The following TNXB variants were observed in gnomAD, a reference collection of about 807,000 sequenced individuals.
The protein encoded by TNXB is tenascin-X.
A neutral mutation model predicts 340.5 loss-of-function variants in TNXB; 183 were observed. That is an observed-to-expected ratio of 0.54 (90% CI 0.48 to 0.61). The LOEUF is 0.61. TNXB is among the 20% of genes least tolerant of loss of function. The pLI, the probability that TNXB is intolerant of heterozygous loss-of-function variation, is 0.00. For synonymous variants in TNXB, 2,121 were observed against 2,314.5 expected (o/e 0.92, Z 2.40); for missense variants, 4,613 against 5,446.4 (o/e 0.85, Z 4.82).
Position 32,095,904 on chromosome 6 carries a change from CG to C in TNXB, c.1948del (p.Arg650AlafsTer57), listed in dbSNP as rs751465994. On this transcript the variant is annotated frameshift_variant, in exon 3 of 44. Transcript: ENST00000644971. LOFTEE classifies it high-confidence loss of function. ...PGYTGPTCATRMCPADCRGRG... is the reference protein window; with the variant it reads ...PGYTGPTCATXMCPADCRGRG... ...TCCCCGGCAGTCAGCCGGGCACATG[CG>C]GGTGGCACAGGTAGGGCCGGTGTAG... 6.2e-7 allele frequency: 1 copy of C among 1,612,522 alleles called. No homozygotes were observed. The highest frequency in any genetic ancestry group is 8.5e-7 in the Non-Finnish European group (1 of 1,179,458).
chr6:32,057,089 C>G (rs1391226895), intron 22 of TNXB, among the ~76,000 whole-genome samples, 186 bp from the exon 23 acceptor site: 1 of 152,008 alleles, frequency 6.6e-6, no homozygotes, highest in African/African-American at 2.4e-5. Flanking sequence ...ACCCTCCTGC[C>G]CTCAGCCCCC....
At position 32,108,462 on chromosome 6, in the gene TNXB, G is replaced by A. The variant is rs1365346542; in HGVS notation, c.-9+719C>T. Among the ~76,000 whole-genome samples the A allele has an allele frequency of 6.6e-6, 1 of 151,964 alleles. No homozygotes were observed. Among genetic ancestry groups the A allele is most frequent in the Non-Finnish European group, 1.5e-5 (1 of 68,006 alleles). ...AGACGGAGCCCCTGTGCCCCCAGAGGCATCTCTCAGCCATCCCAGCCCTGC... is the reference window on the plus strand; with the variant it reads ...AGACGGAGCCCCTGTGCCCCCAGAGACATCTCTCAGCCATCCCAGCCCTGC... On this transcript the variant is annotated intron_variant, in intron 1 of 43. Coordinates refer to ENST00000644971, the MANE Select transcript of TNXB (RefSeq NM_001365276.2). This position sits in a 1 kb window ranked among gnomAD's most constrained non-coding sequence, Gnocchi z 4.8.
chr6:32,097,151 C>A lies in TNXB; in HGVS notation c.702G>T (p.Val234=). ...GRGRCVQGVC[V]CRAGFSGPDC... ...CGGGGCCTGAGAAGCCTGCCCGGCA[C>A]ACACACACGCCCTGCACGCAGCGCC... The change falls in exon 3 of 44, where the codon GTG becomes GTT. Residue 234 remains valine (V), a synonymous_variant. Coordinates refer to ENST00000644971, the MANE Select transcript of TNXB (RefSeq NM_001365276.2). The surrounding 1 kb of genome is among the most constrained non-coding windows in gnomAD (Gnocchi z 5.9). 1 of 1,600,374 alleles carries A rather than the reference C, an allele frequency of 6.2e-7. No individual in the cohort carries two copies. The highest frequency in any genetic ancestry group is 8.5e-7 in the Non-Finnish European group (1 of 1,174,204).
rs1011975396 is a variant in TNXB at position 32,074,058 on chromosome 6, G to A, written c.4376-106C>T. On this transcript the variant is annotated intron_variant, in intron 11 of 43. Coordinates refer to ENST00000644971, the MANE Select transcript of TNXB (RefSeq NM_001365276.2). This position sits in a 1 kb window ranked among gnomAD's most constrained non-coding sequence, Gnocchi z 5.5. Reference sequence around the variant, plus strand: ...TTTTTTATTTTTGAGATGGAGTCTCGCTGTCACCCAGAGCAGTGGGCGACC... The same window carrying A: ...TTTTTTATTTTTGAGATGGAGTCTCACTGTCACCCAGAGCAGTGGGCGACC... 25 of 1,114,134 alleles carry A rather than the reference G, an allele frequency of 2.2e-5. No homozygotes were observed. Among genetic ancestry groups the A allele is most frequent in the African/African-American group, 6.3e-5 (4 of 63,528 alleles). 69.0% of individuals were successfully genotyped at this position (1,114,134 alleles called of 1,614,324 possible).
In TNXB at chr6:32,088,924, C is replaced by A; in HGVS notation, c.2640G>T (p.Gln880His). 1 of 1,602,152 alleles carries A rather than the reference C, an allele frequency of 6.2e-7. No homozygotes were observed. The highest frequency in any genetic ancestry group is 2.3e-5 in the East Asian group (1 of 44,332). ...FVVSYVSAGN[Q>H]RVRLEVPPEA... ...CAGGGGGCACTTCCAGCCTCACCCT[C>A]TGGTTGCCGGCACTGACGTAGGACA... is the stretch of plus-strand genomic sequence containing the variant. Residue 880 changes from glutamine to histidine, a missense_variant, in exon 6 of 44, where the codon CAG becomes CAT. Physicochemically the swap from Gln to His is conservative, Grantham distance 24. Around this residue, in one of 7 missense-constraint regions of TNXB, gnomAD observed 4,327 missense variants for 4,859.4 expected, o/e 0.89. Coordinates refer to ENST00000644971, the MANE Select transcript of TNXB (RefSeq NM_001365276.2).
chr6:32,055,863 C>G lies in TNXB; in HGVS notation c.8455G>C (p.Val2819Leu). ...EGRRVGPVSTVGVTAPEDEAE... is the reference protein window; with the variant it reads ...EGRRVGPVSTLGVTAPEDEAE... ...CACAAACACTCACCTGTCACACCCA[C>G]GGTGGACACCGGGCCCACACGCCGC... Residue 2819 changes from valine to leucine, a missense_variant, in exon 24 of 44, where the codon GTG (valine) becomes CTG (leucine). Around this residue, in one of 7 missense-constraint regions of TNXB, gnomAD observed 4,327 missense variants for 4,859.4 expected, o/e 0.89. Coordinates refer to ENST00000644971, the MANE Select transcript of TNXB (RefSeq NM_001365276.2). The G allele has an allele frequency of 6.2e-7, 1 of 1,611,786 alleles. No individual in the cohort carries two copies. The highest frequency in any genetic ancestry group is 8.5e-7 in the Non-Finnish European group (1 of 1,178,642).
Position 32,056,771 on chromosome 6 carries a change from C to T in TNXB, c.7958G>A (p.Gly2653Asp), listed in dbSNP as rs1777680571. The change falls in exon 23 of 44, where the codon GGC (glycine) becomes GAC (aspartate). Residue 2653 changes from glycine (G) to aspartate (D), a missense_variant. Around this residue, in one of 7 missense-constraint regions of TNXB, gnomAD observed 4,327 missense variants for 4,859.4 expected, o/e 0.89. Coordinates refer to ENST00000644971, the MANE Select transcript of TNXB (RefSeq NM_001365276.2). ...CTGGACCAGGAAGTGGTCAAACTGG[C>T]CCTCGGGAACCGTCCAGGACAGGCT... The part of the protein sequence containing the change: ...SLSLSWTVPE[G>D]QFDHFLVQYR... The T allele has an allele frequency of 2.5e-6, 4 of 1,613,220 alleles. No homozygotes were observed. Among genetic ancestry groups the T allele is most frequent in the Non-Finnish European group, 3.4e-6 (4 of 1,179,856 alleles).
chr6:32,093,490 G>C, intron 4 of TNXB: 2 of 671,936 alleles, frequency 3.0e-6, no homozygotes, highest in Middle Eastern at 2.4e-4. Flanking sequence ...AAGCAAAGTG[G>C]AGTGAGGATG....
rs567962515 is a variant in TNXB, at chr6:32,078,037, AAAAG to A, written c.4375+992_4375+995del. ...GCTCAAAAAACAGAAAGAAAGGAAA[AAAAG>A]AAAGAAAGAGAGAGAGAGAGACAGA... On this transcript the variant is annotated intron_variant, in intron 11 of 43. Transcript: ENST00000644971. Among the ~76,000 whole-genome samples the A allele has an allele frequency of 1.8e-3, 263 of 150,078 alleles. 1 individual carries two copies. Among genetic ancestry groups the A allele is most frequent in the African/African-American group, 6.2e-3 (252 of 40,548 alleles).
chr6:32,081,617 C>T lies in TNXB; in HGVS notation c.3793G>A (p.Gly1265Arg). 6.2e-7 allele frequency: 1 copy of T among 1,600,196 alleles called. No individual in the cohort carries two copies. The highest frequency in any genetic ancestry group is 8.5e-7 in the Non-Finnish European group (1 of 1,174,114). ...GTCACGCCGGTCACTGTCAGTTCCC[C>T]CAGGAGGGGCTGCTCCAGGAACTCA... ...RPEFLEQPLL[G>R]ELTVTGVTPD... Residue 1265 changes from glycine (G) to arginine (R), a missense_variant, in exon 10 of 44, where the codon GGG (glycine) becomes AGG (arginine). Gly to Arg is a moderately radical substitution (Grantham distance 125). Coordinates refer to ENST00000644971, the MANE Select transcript of TNXB (RefSeq NM_001365276.2). The surrounding 1 kb of genome is among the most constrained non-coding windows in gnomAD (Gnocchi z 5.1).
In TNXB at chr6:32,050,158, C is replaced by T. The variant is rs755470483; in HGVS notation, c.9279G>A (p.Gln3093=). 4.3e-6 allele frequency: 7 copies of T among 1,613,900 alleles called. No individual in the cohort carries two copies. In the East Asian group the frequency reaches 1.3e-4, roughly 31 times the overall value. Residue 3093 remains glutamine (Q), a synonymous_variant, in exon 27 of 44, where the codon CAG becomes CAA. Coordinates refer to ENST00000644971, the MANE Select transcript of TNXB (RefSeq NM_001365276.2). ...TGGGCTGCCCATCCCCATTCCTGTA[C>T]TGGACCAGGAAGTGGTCAAACTGGC... ...PEGQFDHFLV[Q]YRNGDGQPKA... is the part of the protein sequence containing the mutation.
At chr6:32,054,668 T>C (rs1777525145) in intron 24 of TNXB, among the ~76,000 whole-genome samples, 1 of 152,214 alleles carries the variant, frequency 6.6e-6, no homozygotes, top group Admixed American at 6.5e-5. Flanking sequence ...GGGCTCCACA[T>C]GCTCATCCTT....
chr6:32,049,362 C>T lies in TNXB; in HGVS notation c.9665G>A (p.Gly3222Glu), dbSNP rs1340501591. The stretch of plus-strand genomic sequence containing the variant: ...GTATTTGCGCCCGGGCTCCAGGCCC[C>T]CCACGGTGACCTCGCTCTCCTCGCC... ...VRGEESEVTVGGLEPGRKYKM... is the reference protein window; with the variant it reads ...VRGEESEVTVEGLEPGRKYKM... The change falls in exon 28 of 44, where the codon GGG becomes GAG. Residue 3222 changes from glycine (G) to glutamate (E), a missense_variant. Gly to Glu is a moderately conservative substitution (Grantham distance 98). This residue lies in a region of TNXB where 4,327 missense variants were observed against 4,859.4 expected (regional missense o/e 0.89). Transcript: ENST00000644971. This position sits in a 1 kb window ranked among gnomAD's most constrained non-coding sequence, Gnocchi z 4.5. The T allele has an allele frequency of 1.9e-6, 3 of 1,612,480 alleles. No homozygotes were observed. Among genetic ancestry groups the T allele is most frequent in the African/African-American group, 1.3e-5 (1 of 74,986 alleles).
In TNXB at chr6:32,069,851, A is replaced by T; in HGVS notation, c.5289T>A (p.Ser1763Arg). 1 of 1,575,620 alleles carries T rather than the reference A, an allele frequency of 6.3e-7. No individual in the cohort carries two copies. Among genetic ancestry groups the T allele is most frequent in the Non-Finnish European group, 8.6e-7 (1 of 1,158,024 alleles). The change falls in exon 15 of 44, where the codon AGT becomes AGA. Residue 1763 changes from serine (S) to arginine (R), a missense_variant. Physicochemically the swap from Ser to Arg is moderately radical, Grantham distance 110 (BLOSUM62 -1). Coordinates refer to ENST00000644971, the MANE Select transcript of TNXB (RefSeq NM_001365276.2). The surrounding 1 kb of genome is among the most constrained non-coding windows in gnomAD (Gnocchi z 6.2). ...LTADGTTEAR[S>R]AMDDTGTKRP... is the part of the protein sequence containing the mutation. ...GCTTTGTTCCAGTATCATCCATAGCACTCCGGGCTTCTGAGATGGAGACAC... is the reference window on the plus strand; with the variant it reads ...GCTTTGTTCCAGTATCATCCATAGCTCTCCGGGCTTCTGAGATGGAGACAC...
chr6:32,050,524 C>T (rs1199838396), intron 26 of TNXB, among the ~76,000 whole-genome samples: 2 of 150,972 alleles, frequency 1.3e-5, no homozygotes, highest in Admixed American at 6.6e-5. Flanking sequence ...CTCACCCCCA[C>T]CTCCCAACAC....
Position 32,073,572 on chromosome 6 carries a change from G to T in TNXB, c.4681+75C>A. The T allele has an allele frequency of 7.2e-7, 1 of 1,389,816 alleles. No homozygotes were observed. 86.1% of individuals were successfully genotyped at this position (1,389,816 alleles called of 1,614,324 possible). A position where few individuals can be genotyped will look rare whatever the true frequency, so the allele number is the denominator to read the frequency against. ...GTGAGGGTGCGGTGGTACCAAGGCAGGGCTGGAAGAAGGGCCATGGGGTGG... is the reference window on the plus strand; with the variant it reads ...GTGAGGGTGCGGTGGTACCAAGGCATGGCTGGAAGAAGGGCCATGGGGTGG... On this transcript the variant is annotated intron_variant, in intron 12 of 43. Coordinates refer to ENST00000644971, the MANE Select transcript of TNXB (RefSeq NM_001365276.2). This position sits in a 1 kb window ranked among gnomAD's most constrained non-coding sequence, Gnocchi z 4.6.
Position 32,067,652 on chromosome 6 carries a change from C to A in TNXB, c.6544+9G>T. The A allele has an allele frequency of 6.2e-7, 1 of 1,612,044 alleles. No homozygotes were observed. The highest frequency in any genetic ancestry group is 8.5e-7 in the Non-Finnish European group (1 of 1,178,748). ...ACCCAACCCAGAGGGCTCTGCAGTG[C>A]ACACTCACCCGTGACGCCCACAGCA... On this transcript the variant is annotated intron_variant, in intron 18 of 43. Coordinates refer to ENST00000644971, the MANE Select transcript of TNXB (RefSeq NM_001365276.2). This position sits in a 1 kb window ranked among gnomAD's most constrained non-coding sequence, Gnocchi z 4.2.
rs766599497 is a variant in TNXB at position 32,070,175 on chromosome 6, G to T, written c.5230C>A (p.Leu1744Ile). ...GGGCCATGGCGCTTCTTGCCCAGGA[G>T]GCCATAGAGGAGGAATCTGTACTTG... ...GRKYRFLLYG[L>I]LGKKRHGPLT... The change falls in exon 14 of 44, where the codon CTC (leucine) becomes ATC (isoleucine). Residue 1744 changes from leucine (L) to isoleucine (I), a missense_variant. Physicochemically the swap from Leu to Ile is conservative, Grantham distance 5. This residue lies in a region of TNXB where 4,327 missense variants were observed against 4,859.4 expected (regional missense o/e 0.89). Transcript: ENST00000644971. The surrounding 1 kb of genome is among the most constrained non-coding windows in gnomAD (Gnocchi z 6.0). 4.4e-6 allele frequency: 7 copies of T among 1,605,362 alleles called. No homozygotes were observed. In the South Asian group the frequency reaches 7.8e-5, roughly 18 times the overall value.
rs756530948 is a variant in TNXB at position 32,046,489 on chromosome 6, A to C, written c.10325-33T>G. ...GAGGGAGGAGGGAAAGCTCTTAGTC[A>C]CATGCTGCCTTTGCCTAAGCCCTGG... is the stretch of plus-strand genomic sequence containing the variant. On this transcript the variant is annotated intron_variant, in intron 30 of 43. Coordinates refer to ENST00000644971, the MANE Select transcript of TNXB (RefSeq NM_001365276.2). This position sits in a 1 kb window ranked among gnomAD's most constrained non-coding sequence, Gnocchi z 6.9. 8 of 1,525,812 alleles carry C rather than the reference A, an allele frequency of 5.2e-6. 1 individual carries two copies. The South Asian group carries it at 1.0e-4, about 20-fold the overall frequency. 94.5% of individuals were successfully genotyped at this position (1,525,812 alleles called of 1,614,324 possible).
Sources: gnomAD v4.1 joint callset for allele counts (sites outside exome capture counted in the v4.1 genomes callset) on GRCh38, gnomAD v4.1.1 for gene constraint, gnomAD v4.1.1 regional missense constraint, Gnocchi (gnomAD v3.1) non-coding constraint, MANE v1.5 for transcripts, NCBI Gene and HGNC (gene_info 2026-07-23, HGNC 2026-07-21) for gene names.